Variants in QTRT2 observed in about 807,000 individuals in gnomAD.
QTRT2 encodes queuine tRNA-ribosyltransferase accessory subunit 2, also known as queuine tRNA-ribosyltransferase domain containing 1.
A neutral mutation model predicts 44.8 loss-of-function variants in QTRT2; 32 were observed. The observed-to-expected ratio is 0.71, with a 90% CI of 0.54 to 0.96. QTRT2 has a LOEUF of 0.96. QTRT2 is among the 40% of genes least tolerant of loss of function. The probability of loss-of-function intolerance (pLI) is 0.00; values close to 1 mark genes in which losing one functional copy is unlikely to be tolerated. For missense variants in QTRT2, 461 were observed against 503.1 expected (o/e 0.92, Z 0.80); for synonymous variants, 182 against 187.4 (o/e 0.97, Z 0.24).
chr3:114,069,053 C>CA (rs57266627), intron 5 of QTRT2, among the ~76,000 whole-genome samples: 26,065 of 118,300 alleles, frequency 0.22, 2,608 homozygotes, highest in African/African-American at 0.33. Flanking sequence ...GACTCTGTCT[C>CA]AAAAAAAAAA....
rs1229411202 is a variant in QTRT2, at chr3:114,086,545, A to G, written c.*641A>G. On this transcript the variant is annotated 3_prime_UTR_variant, in exon 10 of 10. Transcript: ENST00000281273. ...CATTTGACCACATGGCCTATTTGCA[A>G]CTTCTTTTTAGAGCCAATGTAATTG... is the stretch of plus-strand genomic sequence containing the variant. 1 of 153,666 alleles carries G rather than the reference A, an allele frequency of 6.5e-6. No homozygotes were observed. Among genetic ancestry groups the G allele is most frequent in the Admixed American group, 6.4e-5 (1 of 15,582 alleles). The allele number at this position is 153,666 out of a possible 1,614,324, so 9.5% of individuals were successfully genotyped here.
chr3:114,058,396 AGT>A (rs2076836202), intron 2 of QTRT2, among the ~76,000 whole-genome samples: 2 of 151,986 alleles, frequency 1.3e-5, no homozygotes, highest in Non-Finnish European at 2.9e-5. Flanking sequence ...ATCGTTTAAC[AGT>A]TACTTCTGAA....
At chr3:114,085,651 GT>G in intron 9 of QTRT2, 21 bp from the exon 10 acceptor site, 1 of 1,591,158 alleles carries the variant, frequency 6.3e-7, no homozygotes, top group Non-Finnish European at 8.6e-7. Flanking sequence ...TTTCTGGAAT[GT>G]CACTGTGACT....
At chr3:114,081,125 C>T (rs571854878) in intron 8 of QTRT2, among the ~76,000 whole-genome samples, 1 of 152,244 alleles carries the variant, frequency 6.6e-6, no homozygotes, top group African/African-American at 2.4e-5. Context: ...TAAAAAGAAC[C>T]TGATTTGAGT....
At chr3:114,070,506 A>C in intron 5 of QTRT2, 120 bp from the exon 6 acceptor site, 1 of 807,232 alleles carries the variant, frequency 1.2e-6, no homozygotes, top group Non-Finnish European at 2.0e-6. Context: ...CCATGTCTGG[A>C]TATTGAATTG....
At chr3:114,084,083 G>A (rs372312023) in intron 9 of QTRT2, among the ~76,000 whole-genome samples, 43 of 150,172 alleles carry the variant, frequency 2.9e-4, no homozygotes, top group African/African-American at 9.1e-4. Context: ...TTTTGTGGGG[G>A]GCAGAGTGTA....
intron 9 of QTRT2, among the ~76,000 whole-genome samples, chr3:114,084,450 T>G (rs1030812511): frequency 1.3e-5 from 2 of 152,008 alleles, no homozygotes; most frequent in South Asian, 2.1e-4. Context: ...AGATCCTGTC[T>G]CTAAAACAGA....
chr3:114,068,100 G>A, intron 5 of QTRT2, 37 bp downstream of exon 5: 1 of 1,553,104 alleles, frequency 6.4e-7, no homozygotes, highest in Non-Finnish European at 8.9e-7. Context: ...CTGCAGCTTT[G>A]TCCCAGGAAG....
chr3:114,086,006 T>A lies in QTRT2; in HGVS notation c.*102T>A. Reference sequence around the variant, plus strand: ...ATAATCTGAGCTTTAATTATTTATATTTGGATATAAGGTCTGCTTAAATAA... The same window carrying A: ...ATAATCTGAGCTTTAATTATTTATAATTGGATATAAGGTCTGCTTAAATAA... On this transcript the variant is annotated 3_prime_UTR_variant, in exon 10 of 10. Coordinates refer to ENST00000281273, the MANE Select transcript of QTRT2 (RefSeq NM_024638.4). 1.1e-6 allele frequency: 1 copy of A among 946,458 alleles called. No homozygotes were observed. Among genetic ancestry groups the A allele is most frequent in the Non-Finnish European group, 1.6e-6 (1 of 606,432 alleles). The allele number at this position is 946,458 out of a possible 1,614,324, so 58.6% of individuals were successfully genotyped here.
rs1354328701 is a variant in QTRT2 at position 114,057,065 on chromosome 3, T to A, written c.-63T>A. The A allele has an allele frequency of 7.2e-7, 1 of 1,379,748 alleles. No individual in the cohort carries two copies. The highest frequency in any genetic ancestry group is 9.3e-7 in the Non-Finnish European group (1 of 1,070,700). The allele number at this position is 1,379,748 out of a possible 1,614,324, so 85.5% of individuals were successfully genotyped here. On this transcript the variant is annotated 5_prime_UTR_variant, in exon 2 of 10. Coordinates refer to ENST00000281273, the MANE Select transcript of QTRT2 (RefSeq NM_024638.4). Reference sequence around the variant, plus strand: ...AAATCGTGTGAGCGTCGCCGACACCTCTGAGATAAAAGGGCCCCTTTCGAC... The same window carrying A: ...AAATCGTGTGAGCGTCGCCGACACCACTGAGATAAAAGGGCCCCTTTCGAC...
chr3:114,080,137 A>G, intron 8 of QTRT2, 80 bp downstream of exon 8: 3 of 1,138,080 alleles, frequency 2.6e-6, no homozygotes, highest in East Asian at 4.9e-5. Flanking sequence ...ACAAGACAGA[A>G]ATATGTATAT....
intron 2 of QTRT2, among the ~76,000 whole-genome samples, chr3:114,063,158 A>G (rs1462051918): frequency 1.3e-5 from 2 of 152,238 alleles, no homozygotes; most frequent in African/African-American, 4.8e-5. Context: ...GGTTGATTTC[A>G]ATATTCAGTC....
rs756588214 is a variant in QTRT2 at position 114,076,757 on chromosome 3, T to C, written c.561T>C (p.Ser187=). 3.5e-5 allele frequency: 56 copies of C among 1,613,774 alleles called. No individual in the cohort carries two copies. Among genetic ancestry groups the C allele is most frequent in the Non-Finnish European group, 4.5e-5 (53 of 1,179,956 alleles). The change falls in exon 7 of 10, where the codon AGT becomes AGC. Residue 187 remains serine (S), a synonymous_variant. Transcript: ENST00000281273. ...TCTTACCTCAGGTTCTTCAGAAGAG[T>C]GTGATCATTGGAGTGATTGAAGGTG... ...LQEESEVLQK[S]VIIGVIEGGD...
At position 114,082,729 on chromosome 3, in the gene QTRT2, G is replaced by C; in HGVS notation, c.951G>C (p.Lys317Asn). The stretch of plus-strand genomic sequence containing the variant: ...AAATAAAATGTATGGATCAAATAAA[G>C]AAAATTGAAACAACTGGTTGCAACC... ...QEEIKCMDQI[K>N]KIETTGCNQE... Residue 317 changes from lysine to asparagine, a missense_variant, in exon 9 of 10, where the codon AAG becomes AAC. Transcript: ENST00000281273. 6 of 1,534,266 alleles carry C rather than the reference G, an allele frequency of 3.9e-6. No homozygotes were observed. Among genetic ancestry groups the C allele is most frequent in the Non-Finnish European group, 5.3e-6 (6 of 1,122,004 alleles).
In QTRT2 at chr3:114,086,558, G is replaced by A. The variant is rs1296529367; in HGVS notation, c.*654G>A. 1 of 153,642 alleles carries A rather than the reference G, an allele frequency of 6.5e-6. No homozygotes were observed. Among genetic ancestry groups the A allele is most frequent in the Non-Finnish European group, 1.4e-5 (1 of 69,078 alleles). 9.5% of individuals were successfully genotyped at this position (153,642 alleles called of 1,614,324 possible). A position where few individuals can be genotyped will look rare whatever the true frequency, so the allele number is the denominator to read the frequency against. On this transcript the variant is annotated 3_prime_UTR_variant, in exon 10 of 10. Transcript: ENST00000281273. ...GGCCTATTTGCAACTTCTTTTTAGA[G>A]CCAATGTAATTGCCTGTTAGGAGCC...
At chr3:114,076,289 C>T (rs1023849099) in intron 6 of QTRT2, among the ~76,000 whole-genome samples, 1 of 152,200 alleles carries the variant, frequency 6.6e-6, no homozygotes, top group Non-Finnish European at 1.5e-5. Flanking sequence ...ACCTCAGCCT[C>T]CCGAATAGAT....
At chr3:114,083,742 C>G (rs1263831663) in intron 9 of QTRT2, among the ~76,000 whole-genome samples, 1 of 152,106 alleles carries the variant, frequency 6.6e-6, no homozygotes, top group Non-Finnish European at 1.5e-5. Flanking sequence ...TCTGTTGGGA[C>G]TCCTTTAATT....
Position 114,076,941 on chromosome 3 carries a change from A to G in QTRT2, c.745A>G (p.Arg249Gly), listed in dbSNP as rs1298455884. The G allele has an allele frequency of 1.2e-6, 2 of 1,614,018 alleles. No individual in the cohort carries two copies. Among genetic ancestry groups the G allele is most frequent in the Non-Finnish European group, 1.7e-6 (2 of 1,179,952 alleles). Residue 249 changes from arginine to glycine, a missense_variant and splice_region_variant, in exon 7 of 10, where the codon AGG (arginine) becomes GGG (glycine). Transcript: ENST00000281273. ...TGCAGAGCTGCCGGAGGACAAGCCA[A>G]GGCCAGTGTTCGGTTAGGACACAGG... ...VTAELPEDKP[R>G]LISGVSRPDE...
intron 3 of QTRT2, 127 bp from the exon 4 acceptor site, chr3:114,066,101 G>C (rs1420573273): frequency 1.6e-6 from 1 of 625,348 alleles, no homozygotes; most frequent in Admixed American, 2.8e-5. Flanking sequence ...CTTGAATAAT[G>C]GTGTAATTCA....
Sources: gnomAD v4.1 joint callset for allele counts (sites outside exome capture counted in the v4.1 genomes callset) on GRCh38, gnomAD v4.1.1 for gene constraint, MANE v1.5 for transcripts, NCBI Gene and HGNC (gene_info 2026-07-23, HGNC 2026-07-21) for gene names.